The following PTPN21 variants were observed in gnomAD, a reference collection of about 807,000 sequenced individuals.
PTPN21 encodes tyrosine-protein phosphatase non-receptor type 21.
In PTPN21, 77 loss-of-function variants were observed where a neutral mutation model predicts 131.8. That is an observed-to-expected ratio of 0.58 (90% CI 0.49 to 0.71). PTPN21 has a LOEUF of 0.71. PTPN21 is among the 30% of genes least tolerant of loss of function. The pLI, the probability that PTPN21 is intolerant of heterozygous loss-of-function variation, is 0.00. For synonymous variants in PTPN21, 715 were observed against 621.3 expected, an observed-to-expected ratio of 1.15 and a Z score of -2.24; for missense variants, 1,552 against 1,527.1, an observed-to-expected ratio of 1.02 and a Z score of -0.27.
chr14:88,487,744 A>AAATAAAC (rs1488841064), intron 10 of PTPN21, among the ~76,000 whole-genome samples: 1 of 150,752 alleles, frequency 6.6e-6, no homozygotes, highest in Non-Finnish European at 1.5e-5. Context: ...GGGTTTTAAA[A>AAATAAAC]AATAAAAAAT....
chr14:88,522,286 G>A (rs1455046497), intron 2 of PTPN21, among the ~76,000 whole-genome samples: 1 of 151,772 alleles, frequency 6.6e-6, no homozygotes, highest in Non-Finnish European at 1.5e-5. Flanking sequence ...AAATTAGCCG[G>A]GTATGATGGT....
Position 88,469,914 on chromosome 14 carries a change from G to C in PTPN21, c.3000+8C>G. 6.2e-7 allele frequency: 1 copy of C among 1,613,880 alleles called. No homozygotes were observed. Among genetic ancestry groups the C allele is most frequent in the Non-Finnish European group, 8.5e-7 (1 of 1,179,984 alleles). On this transcript the variant is annotated splice_region_variant and intron_variant, in intron 16 of 18. Transcript: ENST00000556564. This position sits in a 1 kb window ranked among gnomAD's most constrained non-coding sequence, Gnocchi z 4.3. ...TGAGAAAATCACTTAAGAGAAATAA[G>C]TACCTACCTCTTCTGCTGTCACCAT...
intron 10 of PTPN21, among the ~76,000 whole-genome samples, chr14:88,493,333 G>A (rs1251013691): frequency 6.6e-6 from 1 of 152,204 alleles, no homozygotes; most frequent in Non-Finnish European, 1.5e-5. Context: ...GTCTATGGGG[G>A]CTGTATTTTA....
chr14:88,540,987 G>A (rs1438545346), intron 2 of PTPN21, among the ~76,000 whole-genome samples: 1 of 152,114 alleles, frequency 6.6e-6, no homozygotes, highest in African/African-American at 2.4e-5. Flanking sequence ...AGATTCACAT[G>A]AGCTTGCCAC....
chr14:88,502,768 G>A (rs2078029806), intron 6 of PTPN21, among the ~76,000 whole-genome samples: 1 of 152,162 alleles, frequency 6.6e-6, no homozygotes, highest in Non-Finnish European at 1.5e-5. Flanking sequence ...TGGGAAGGCA[G>A]GATTTAACCA....
chr14:88,551,193 T>TA (rs2078861961), intron 1 of PTPN21: 1 of 152,218 alleles, frequency 6.6e-6, no homozygotes, highest in African/African-American at 2.4e-5. Flanking sequence ...GATTTACTGA[T>TA]AAACATCATA....
At chr14:88,482,346 C>T (rs543093867) in intron 12 of PTPN21, among the ~76,000 whole-genome samples, 8 of 152,272 alleles carry the variant, frequency 5.3e-5, no homozygotes, top group African/African-American at 7.2e-5. Context: ...TGCACACAGC[C>T]GTGTGCAGTG....
intron 11 of PTPN21, among the ~76,000 whole-genome samples, chr14:88,485,380 T>C (rs897886278): frequency 1.3e-5 from 2 of 152,282 alleles, no homozygotes; most frequent in African/African-American, 4.8e-5. Flanking sequence ...CCAAGGACAT[T>C]AGGCTCCACC....
intron 2 of PTPN21, among the ~76,000 whole-genome samples, chr14:88,525,526 A>G (rs1313342243): frequency 6.6e-6 from 1 of 152,212 alleles, no homozygotes; most frequent in Non-Finnish European, 1.5e-5. Flanking sequence ...CTTCACACCA[A>G]CTAGGATGGC....
At chr14:88,472,571 T>C in intron 14 of PTPN21, 106 bp from the exon 15 acceptor site, 1 of 739,962 alleles carries the variant, frequency 1.4e-6, no homozygotes, top group Non-Finnish European at 2.2e-6. Context: ...TAGCACTGTA[T>C]AATATTGAAA....
At position 88,506,558 on chromosome 14, in the gene PTPN21, G is replaced by A. The variant is rs913809389; in HGVS notation, c.449-1187C>T. On this transcript the variant is annotated intron_variant, in intron 4 of 18. Coordinates refer to ENST00000556564, the MANE Select transcript of PTPN21 (RefSeq NM_007039.4). ...CTCCCAAAGTGCTGGGATTAGAGGC[G>A]TGAGACACCGCACCCAGCCATCTTT... is the stretch of plus-strand genomic sequence containing the variant. Among the ~76,000 whole-genome samples the A allele has an allele frequency of 3.3e-5, 5 of 152,220 alleles. No individual in the cohort carries two copies. In the East Asian group the frequency reaches 5.8e-4, roughly 18 times the overall value.
chr14:88,500,915 CAGAGG>C, intron 7 of PTPN21, 44 bp from the exon 8 acceptor site: 3 of 1,389,350 alleles, frequency 2.2e-6, no homozygotes, highest in Non-Finnish European at 3.1e-6. Context: ...GAAGCAGATG[CAGAGG>C]AACTGCTGCT....
At chr14:88,503,053 C>CTT (rs576430469) in intron 6 of PTPN21, among the ~76,000 whole-genome samples, 6,606 of 141,068 alleles carry the variant, frequency 0.047, 157 homozygotes, top group South Asian at 0.1. Flanking sequence ...AAATCTTTTT[C>CTT]TTTTTTTTTT....
intron 10 of PTPN21, among the ~76,000 whole-genome samples, chr14:88,490,150 A>G (rs919079426): frequency 1.5e-4 from 23 of 151,818 alleles, no homozygotes; most frequent in Non-Finnish European, 2.4e-4. Flanking sequence ...CTGGGATTAT[A>G]GGCGCCCGCC....
chr14:88,480,415 G>A, intron 12 of PTPN21, 63 bp from the exon 13 acceptor site: 1 of 1,282,798 alleles, frequency 7.8e-7, no homozygotes, highest in Non-Finnish European at 1.1e-6. Context: ...ACCAAATACT[G>A]AGATCGGCCC....
intron 10 of PTPN21, among the ~76,000 whole-genome samples, chr14:88,495,597 G>A (rs143175143): frequency 3.3e-5 from 5 of 152,294 alleles, no homozygotes; most frequent in African/African-American, 1.2e-4. Flanking sequence ...GGCTCAGGGG[G>A]AGGACAGGTC....
chr14:88,533,227 C>T (rs964917146), intron 2 of PTPN21, among the ~76,000 whole-genome samples: 6 of 152,236 alleles, frequency 3.9e-5, no homozygotes, highest in African/African-American at 1.2e-4. Flanking sequence ...GTTTTGGTAC[C>T]TGCTGTTATT....
Position 88,509,910 on chromosome 14 carries a change from C to A in PTPN21, c.351-1890G>T, listed in dbSNP as rs1413432445. ...AATTAGCCAGGCGTGGTGGCACATG[C>A]CTGTAGTCCCAGCTACTTGGGAGGC... On this transcript the variant is annotated intron_variant, in intron 3 of 18. Coordinates refer to ENST00000556564, the MANE Select transcript of PTPN21 (RefSeq NM_007039.4). 2.0e-5 allele frequency among the ~76,000 whole-genome samples: 3 copies of A among 152,310 alleles called. No individual in the cohort carries two copies. The East Asian group carries it at 5.8e-4, about 29-fold the overall frequency.
In PTPN21 at chr14:88,514,348, T is replaced by A. The variant is rs116560516; in HGVS notation, c.350+2744A>T. ...CATGTTATTTTCTTAATTTTTTAAG[T>A]TCATTTTGTAGTATCAGGTGGCAGT... On this transcript the variant is annotated intron_variant, in intron 3 of 18. Coordinates refer to ENST00000556564, the MANE Select transcript of PTPN21 (RefSeq NM_007039.4). Among the ~76,000 whole-genome samples, 811 of 152,302 alleles carry A rather than the reference T, an allele frequency of 5.3e-3. 5 individuals are homozygous for A. The highest frequency in any genetic ancestry group is 0.019 in the African/African-American group (788 of 41,572).
Sources: gnomAD v4.1 joint callset for allele counts (sites outside exome capture counted in the v4.1 genomes callset) on GRCh38, gnomAD v4.1.1 for gene constraint, Gnocchi (gnomAD v3.1) non-coding constraint, MANE v1.5 for transcripts, NCBI Gene and HGNC (gene_info 2026-07-23, HGNC 2026-07-21) for gene names.